The following PSMA1 variants were observed in gnomAD, a reference collection of about 807,000 sequenced individuals.
PSMA1 encodes proteasome 20S subunit alpha 1.
Under a neutral mutation model 38.4 loss-of-function variants are expected in PSMA1, and 3 were observed. The observed-to-expected ratio is 0.08, with a 90% CI of 0.04 to 0.20. PSMA1 has a LOEUF of 0.20. PSMA1 is among the 10% of genes least tolerant of loss of function. The pLI is 1.00. For synonymous variants in PSMA1, 101 were observed against 107.1 expected, an observed-to-expected ratio of 0.94 and a Z score of 0.35; for missense variants, 227 against 325.3, an observed-to-expected ratio of 0.70 and a Z score of 2.32.
At chr11:14,595,449 C>T (rs1370718140) in intron 2 of PSMA1, among the ~76,000 whole-genome samples, 2 of 152,220 alleles carry the variant, frequency 1.3e-5, no homozygotes, top group Non-Finnish European at 2.9e-5. Context: ...GCCATACTAA[C>T]TAGCATGAGA....
intron 2 of PSMA1, among the ~76,000 whole-genome samples, chr11:14,590,786 C>G (rs183509789): frequency 1.3e-5 from 2 of 152,346 alleles, no homozygotes; most frequent in African/African-American, 4.8e-5. Flanking sequence ...GAGACCCGCA[C>G]GCCCAGATGA....
chr11:14,624,955 T>C (rs571104717), intron 1 of PSMA1, among the ~76,000 whole-genome samples: 2 of 152,232 alleles, frequency 1.3e-5, no homozygotes, highest in East Asian at 1.9e-4. Context: ...GAATGGATAA[T>C]AGAGGTGGGA....
chr11:14,629,019 T>A (rs1852960522), intron 1 of PSMA1, among the ~76,000 whole-genome samples: 1 of 151,156 alleles, frequency 6.6e-6, no homozygotes, highest in African/African-American at 2.4e-5. Context: ...GGGTTGTTTG[T>A]TTTTTTCTTG....
chr11:14,532,508 G>A, intron 2 of PSMA1, among the ~76,000 whole-genome samples: 1 of 152,020 alleles, frequency 6.6e-6, no homozygotes, highest in African/African-American at 2.4e-5. Flanking sequence ...GGGAGGCTGA[G>A]GCAGAAGAAT....
chr11:14,612,686 A>G (rs1263532520), intron 1 of PSMA1, among the ~76,000 whole-genome samples: 1 of 152,124 alleles, frequency 6.6e-6, no homozygotes, highest in Non-Finnish European at 1.5e-5. Context: ...ATTCAACAGA[A>G]ATTTAAAATT....
At position 14,593,813 on chromosome 11, in the gene PSMA1, GTGT is replaced by G. The variant is rs1852451889; in HGVS notation, c.21+17150_21+17152del. Among the ~76,000 whole-genome samples, 5 of 152,312 alleles carry G rather than the reference GTGT, an allele frequency of 3.3e-5. No individual in the cohort carries two copies. The South Asian group carries it at 1.0e-3, about 32-fold the overall frequency. On this transcript the variant is annotated intron_variant, in intron 2 of 10. Coordinates refer to the PSMA1 transcript ENST00000418988. ...ATCTCCAGTGGGTGAGTAGACATTG[GTGT>G]TGTTTACTCAAAATTCATTCTCTTT... is the stretch of plus-strand genomic sequence containing the variant.
intron 2 of PSMA1, chr11:14,610,727 C>T (rs1230303836): frequency 2.0e-6 from 1 of 510,340 alleles, no homozygotes; most frequent in Non-Finnish European, 3.5e-6. Context: ...CACCTTGTAA[C>T]TTAGGTTAAT....
At chr11:14,556,688 A>G (rs1325980069) in intron 2 of PSMA1, among the ~76,000 whole-genome samples, 1 of 152,002 alleles carries the variant, frequency 6.6e-6, no homozygotes, top group Non-Finnish European at 1.5e-5. Context: ...TTGACATTTT[A>G]CTTTTAAATC....
chr11:14,528,912 C>G (rs1851616400), intron 2 of PSMA1, among the ~76,000 whole-genome samples: 1 of 152,076 alleles, frequency 6.6e-6, no homozygotes, highest in Non-Finnish European at 1.5e-5. Flanking sequence ...CACTGCCTAT[C>G]CCAAAATCTT....
upstream of PSMA1, among the ~76,000 whole-genome samples, chr11:14,522,948 G>C (rs1851544938): frequency 2.0e-5 from 3 of 152,116 alleles, no homozygotes. Context: ...CTGAAACAAA[G>C]CCTGGCATAT....
intron 2 of PSMA1, among the ~76,000 whole-genome samples, chr11:14,532,517 A>G (rs1043208856): frequency 6.6e-6 from 1 of 151,594 alleles, no homozygotes; most frequent in African/African-American, 2.4e-5. Flanking sequence ...AGGCAGAAGA[A>G]TTGCTTGAAC....
Position 14,600,966 on chromosome 11 carries a change from G to GT in PSMA1, c.21+9999dup, listed in dbSNP as rs892502691. On this transcript the variant is annotated intron_variant, in intron 2 of 10. Transcript: ENST00000418988. ...AATTTTTTGTTTAGTATTCTTATGT[G>GT]TTTTTTTTAAAACCAAATATCTTGG... is the stretch of plus-strand genomic sequence containing the variant. 4.6e-5 allele frequency among the ~76,000 whole-genome samples: 7 copies of GT among 151,976 alleles called. No homozygotes were observed. In the East Asian group the frequency reaches 5.8e-4, roughly 13 times the overall value.
At chr11:14,566,858 A>T (rs1033453708) in intron 2 of PSMA1, among the ~76,000 whole-genome samples, 1 of 151,934 alleles carries the variant, frequency 6.6e-6, no homozygotes, top group Non-Finnish European at 1.5e-5. Context: ...GACAAATCAA[A>T]CCCTCAGGAG....
At chr11:14,597,561 G>C (rs1426342073) in intron 2 of PSMA1, among the ~76,000 whole-genome samples, 1 of 152,184 alleles carries the variant, frequency 6.6e-6, no homozygotes, top group Non-Finnish European at 1.5e-5. Flanking sequence ...TCTGATGGTA[G>C]TTTGTATTTC....
chr11:14,528,955 T>G (rs1242174604), intron 2 of PSMA1, among the ~76,000 whole-genome samples: 3 of 152,124 alleles, frequency 2.0e-5, no homozygotes, highest in Non-Finnish European at 4.4e-5. Flanking sequence ...CACCACCCGT[T>G]GCTGACTCTC....
Position 14,620,276 on chromosome 11 carries a change from T to C in PSMA1, c.-165-9125A>G, listed in dbSNP as rs141962901. On this transcript the variant is annotated intron_variant, in intron 1 of 10. Coordinates refer to the PSMA1 transcript ENST00000418988. ...TTATTCATGAAACAGATCCAGGCTA[T>C]TGGTCCATTTGAATTTATTTCCAAA... 4.4e-3 allele frequency among the ~76,000 whole-genome samples: 663 copies of C among 152,330 alleles called. 2 individuals are homozygous for C. Among genetic ancestry groups the C allele is most frequent in the Non-Finnish European group, 7.2e-3 (489 of 68,030 alleles).
intron 1 of PSMA1, among the ~76,000 whole-genome samples, chr11:14,643,110 C>A (rs1452404189): frequency 6.7e-6 from 1 of 150,204 alleles, no homozygotes; most frequent in Non-Finnish European, 1.5e-5. Context: ...AGAACGTGCA[C>A]GTGGAGTGCT....
At chr11:14,617,234 A>G (rs536168086) in intron 1 of PSMA1, among the ~76,000 whole-genome samples, 14 of 152,304 alleles carry the variant, frequency 9.2e-5, no homozygotes, top group African/African-American at 3.4e-4. Context: ...ATACCACACT[A>G]GTGGAATCTT....
chr11:14,596,104 T>C (rs1852489097), intron 2 of PSMA1, among the ~76,000 whole-genome samples: 1 of 152,242 alleles, frequency 6.6e-6, no homozygotes. Context: ...TTGGTCTATG[T>C]CTCTGTTTTG....
Sources: gnomAD v4.1 joint callset for allele counts (sites outside exome capture counted in the v4.1 genomes callset) on GRCh38, gnomAD v4.1.1 for gene constraint, MANE v1.5 for transcripts, NCBI Gene and HGNC (gene_info 2026-07-23, HGNC 2026-07-21) for gene names.